CCDC171: variants seen among roughly 807,000 people sequenced by gnomAD.
The protein encoded by CCDC171 is coiled-coil domain-containing protein 171.
Under a neutral mutation model 168.2 loss-of-function variants are expected in CCDC171, and 177 were observed. The observed-to-expected ratio is 1.05, with a 90% CI of 0.93 to 1.19. CCDC171 has a LOEUF of 1.19. CCDC171 is among the 50% of genes most tolerant of loss of function. The pLI, the probability that CCDC171 is intolerant of heterozygous loss-of-function variation, is 0.00. For synonymous variants in CCDC171, 687 were observed against 540.8 expected (o/e 1.27, Z -3.75); for missense variants, 1,991 against 1,539.0 (o/e 1.29, Z -4.91).
intron 9 of CCDC171, among the ~76,000 whole-genome samples, chr9:15,671,849 A>T (rs1028664690): frequency 1.3e-4 from 20 of 152,156 alleles, no homozygotes; most frequent in African/African-American, 4.8e-4. Flanking sequence ...ATGATTTATA[A>T]TCCTTTGGGT....
At chr9:15,734,747 C>T (rs79242165) in intron 16 of CCDC171, among the ~76,000 whole-genome samples, 2,407 of 151,916 alleles carry the variant, frequency 0.016, 78 homozygotes, top group African/African-American at 0.055. Context: ...ATATCTTTTA[C>T]CACCAAAAGT....
chr9:16,021,504 C>T (rs991508448), intron 4 of CCDC171, among the ~76,000 whole-genome samples: 1 of 152,190 alleles, frequency 6.6e-6, no homozygotes, highest in Admixed American at 6.5e-5. Flanking sequence ...GGCAAGGTAA[C>T]TAAAGGCAGG....
chr9:15,846,529 T>G (rs982540310), intron 21 of CCDC171, among the ~76,000 whole-genome samples, 173 bp from the exon 22 acceptor site: 1 of 152,140 alleles, frequency 6.6e-6, no homozygotes, highest in Non-Finnish European at 1.5e-5. Context: ...GTTCTATCAT[T>G]TCTAATTAGT....
chr9:15,893,396 G>A (rs2131529489), intron 24 of CCDC171, among the ~76,000 whole-genome samples: 1 of 152,184 alleles, frequency 6.6e-6, no homozygotes, highest in Non-Finnish European at 1.5e-5. Flanking sequence ...TGATGAAGAT[G>A]CCAAAAGCAA....
chr9:16,032,436 C>T (rs1412824706), intron 6 of CCDC171, among the ~76,000 whole-genome samples: 2 of 152,004 alleles, frequency 1.3e-5, no homozygotes, highest in African/African-American at 2.4e-5. Context: ...TGGCCATGCA[C>T]GAGACGCCAA....
intron 25 of CCDC171, among the ~76,000 whole-genome samples, chr9:15,955,449 T>C (rs1829695469): frequency 6.6e-6 from 1 of 152,084 alleles, no homozygotes; most frequent in Non-Finnish European, 1.5e-5. Context: ...GATCCTGATA[T>C]TTGGAGAACA....
chr9:15,731,741 A>T (rs2054163792), intron 16 of CCDC171, among the ~76,000 whole-genome samples: 2 of 152,008 alleles, frequency 1.3e-5, no homozygotes, highest in Admixed American at 1.3e-4. Context: ...AGGTCATGGG[A>T]TATATGTGTG....
chr9:15,743,400 G>C (rs115650160), intron 16 of CCDC171, among the ~76,000 whole-genome samples: 2,108 of 151,778 alleles, frequency 0.014, 55 homozygotes, highest in African/African-American at 0.048. Flanking sequence ...TCAAACTCTT[G>C]AGCTCAAGCA....
chr9:15,585,770 G>T (rs1051289757), intron 4 of CCDC171, among the ~76,000 whole-genome samples: 1 of 152,024 alleles, frequency 6.6e-6, no homozygotes, highest in African/African-American at 2.4e-5. Flanking sequence ...TTGAACCCAG[G>T]AATTCAAGAC....
chr9:15,600,720 C>T (rs973298264), intron 6 of CCDC171, among the ~76,000 whole-genome samples: 2 of 152,210 alleles, frequency 1.3e-5, no homozygotes, highest in African/African-American at 4.8e-5. Flanking sequence ...TTTGGCTATG[C>T]CCTGCCCCCA....
chr9:15,822,297 C>A (rs1011556089), intron 21 of CCDC171, among the ~76,000 whole-genome samples: 1 of 151,840 alleles, frequency 6.6e-6, no homozygotes, highest in Non-Finnish European at 1.5e-5. Flanking sequence ...TCTAAAACAC[C>A]GAAGGCAATG....
intron 16 of CCDC171, among the ~76,000 whole-genome samples, chr9:15,737,122 AT>A: frequency 6.6e-6 from 1 of 152,128 alleles, no homozygotes; most frequent in Admixed American, 6.5e-5. Context: ...TATATCATAA[AT>A]TGCTACTGTA....
intron 25 of CCDC171, among the ~76,000 whole-genome samples, chr9:15,946,817 A>T (rs1589212827): frequency 2.6e-5 from 4 of 152,138 alleles, no homozygotes; most frequent in African/African-American, 9.6e-5. Context: ...ATGCCTTTTG[A>T]TGGGCATTTT....
At chr9:15,723,545 A>G (rs548637473) in intron 12 of CCDC171, 136 bp from the exon 13 acceptor site, 5 of 631,904 alleles carry the variant, frequency 7.9e-6, no homozygotes, top group Admixed American at 3.4e-5. Context: ...ACTCTTAATT[A>G]CTATTGAAAA....
At chr9:15,612,281 A>T (rs560520608) in intron 6 of CCDC171, among the ~76,000 whole-genome samples, 4 of 152,178 alleles carry the variant, frequency 2.6e-5, no homozygotes, top group Non-Finnish European at 5.9e-5. Flanking sequence ...CGCATTTAGA[A>T]AAGATGAAAA....
At chr9:15,823,836 T>C (rs1427252834) in intron 21 of CCDC171, among the ~76,000 whole-genome samples, 2 of 152,148 alleles carry the variant, frequency 1.3e-5, no homozygotes, top group Non-Finnish European at 2.9e-5. Context: ...TGTGATGTTT[T>C]CTTTGTATAT....
chr9:15,980,707 T>C (rs1407777393), intron 3 of CCDC171, among the ~76,000 whole-genome samples: 2 of 152,058 alleles, frequency 1.3e-5, no homozygotes, highest in African/African-American at 2.4e-5. Context: ...TCTGTTATAA[T>C]GTCATGGTTG....
rs1276930811 is a variant in CCDC171 at position 15,907,288 on chromosome 9, T to C, written c.3601-12982T>C. Among the ~76,000 whole-genome samples the C allele has an allele frequency of 2.0e-5, 3 of 152,192 alleles. No homozygotes were observed. In the South Asian group the frequency reaches 6.2e-4, roughly 32 times the overall value. ...CAAGGCTACAGTAACCAAAACAGCA[T>C]GGTACTGATACCAAAACAGATATAT... On this transcript the variant is annotated intron_variant, in intron 24 of 25. Coordinates refer to ENST00000380701, the MANE Select transcript of CCDC171 (RefSeq NM_173550.4).
At chr9:15,624,541 C>G (rs1179879868) in intron 7 of CCDC171, among the ~76,000 whole-genome samples, 2 of 152,112 alleles carry the variant, frequency 1.3e-5, no homozygotes, top group Admixed American at 6.6e-5. Context: ...CAATTCTCAC[C>G]TATGAGTGAG....
Sources: gnomAD v4.1 joint callset for allele counts (sites outside exome capture counted in the v4.1 genomes callset) on GRCh38, gnomAD v4.1.1 for gene constraint, MANE v1.5 for transcripts, NCBI Gene and HGNC (gene_info 2026-07-23, HGNC 2026-07-21) for gene names.